Variants in CPA6 observed in about 807,000 individuals in gnomAD.
CPA6 encodes carboxypeptidase B.
CPA6 carries 58 observed loss-of-function variants against 63.3 expected under a neutral mutation model. The observed-to-expected ratio is 0.92, with a 90% CI of 0.74 to 1.14. The LOEUF (loss-of-function observed/expected upper bound fraction) is 1.14. Among genes scored for constraint, CPA6 ranks in the 50% most tolerant of loss-of-function variants. The probability of loss-of-function intolerance (pLI) is 0.00; values close to 1 mark genes in which losing one functional copy is unlikely to be tolerated. For synonymous variants in CPA6, 185 were observed against 179.0 expected, an observed-to-expected ratio of 1.03 and a Z score of -0.27; for missense variants, 565 against 526.6, an observed-to-expected ratio of 1.07 and a Z score of -0.71.
chr8:67,496,874 C>T (rs1276612675), intron 6 of CPA6, among the ~76,000 whole-genome samples: 1 of 151,900 alleles, frequency 6.6e-6, no homozygotes, highest in African/African-American at 2.4e-5. Flanking sequence ...CTTTCATTAT[C>T]CAAAAAAGAA....
chr8:67,423,300 G>A (rs1210954088), intron 10 of CPA6, among the ~76,000 whole-genome samples: 1 of 152,132 alleles, frequency 6.6e-6, no homozygotes, highest in African/African-American at 2.4e-5. Flanking sequence ...GACCACGTTG[G>A]CCTTGAACTC....
chr8:67,575,531 A>T (rs960319703), intron 2 of CPA6, among the ~76,000 whole-genome samples: 3 of 152,218 alleles, frequency 2.0e-5, no homozygotes, highest in African/African-American at 4.8e-5. Context: ...TATATACACA[A>T]TGGAATACTA....
intron 1 of CPA6, among the ~76,000 whole-genome samples, chr8:67,685,432 A>T (rs1161274792): frequency 6.6e-6 from 1 of 152,096 alleles, no homozygotes; most frequent in Non-Finnish European, 1.5e-5. Context: ...CCTGGCTAAC[A>T]TGGTGAAACC....
chr8:67,666,189 C>T (rs1816222631), intron 1 of CPA6, among the ~76,000 whole-genome samples: 1 of 152,196 alleles, frequency 6.6e-6, no homozygotes, highest in Non-Finnish European at 1.5e-5. Context: ...GTGATGACCC[C>T]TTTCCCTTCT....
chr8:67,586,889 A>G (rs1813953587), intron 2 of CPA6, among the ~76,000 whole-genome samples: 1 of 152,200 alleles, frequency 6.6e-6, no homozygotes, highest in African/African-American at 2.4e-5. Context: ...AACCATGTTG[A>G]TTCAGATTAT....
intron 2 of CPA6, among the ~76,000 whole-genome samples, chr8:67,568,168 G>T (rs1050871257): frequency 6.6e-6 from 1 of 152,072 alleles, no homozygotes; most frequent in Non-Finnish European, 1.5e-5. Context: ...CCCTGCCAAA[G>T]AACTCCTGTA....
At chr8:67,723,177 G>A (rs1817534115) in intron 1 of CPA6, among the ~76,000 whole-genome samples, 1 of 152,068 alleles carries the variant, frequency 6.6e-6, no homozygotes, top group Admixed American at 6.6e-5. Flanking sequence ...TTCCCGTACT[G>A]ATGGACTTTG....
chr8:67,602,439 C>T (rs1000964656), intron 2 of CPA6, among the ~76,000 whole-genome samples: 1 of 152,128 alleles, frequency 6.6e-6, no homozygotes, highest in African/African-American at 2.4e-5. Flanking sequence ...AAAATAAATA[C>T]GTCCAACTTT....
chr8:67,487,552 C>A (rs1811507397), intron 6 of CPA6, among the ~76,000 whole-genome samples: 1 of 152,130 alleles, frequency 6.6e-6, no homozygotes, highest in African/African-American at 2.4e-5. Context: ...GATTTATAAT[C>A]CTTTGGTTAT....
At chr8:67,447,878 A>T (rs1374059652) in intron 8 of CPA6, among the ~76,000 whole-genome samples, 1 of 152,060 alleles carries the variant, frequency 6.6e-6, no homozygotes, top group Non-Finnish European at 1.5e-5. Flanking sequence ...ACTACCTCCC[A>T]GGTTCAAGCA....
chr8:67,509,421 A>G (rs570021250), intron 5 of CPA6, 96 bp downstream of exon 5: 2 of 615,514 alleles, frequency 3.2e-6, no homozygotes, highest in Admixed American at 3.2e-5. Context: ...GAGACTCTAT[A>G]AAAGATCATT....
intron 2 of CPA6, among the ~76,000 whole-genome samples, chr8:67,618,275 C>T (rs1163314491): frequency 6.6e-6 from 1 of 152,148 alleles, no homozygotes; most frequent in Admixed American, 6.5e-5. Context: ...TTCTACCACC[C>T]ATTTCCTCCT....
At chr8:67,717,349 C>T (rs1817403201) in intron 1 of CPA6, among the ~76,000 whole-genome samples, 1 of 152,260 alleles carries the variant, frequency 6.6e-6, no homozygotes. Context: ...AGGTACCCAA[C>T]TGGGACATTG....
At chr8:67,567,642 T>C (rs392092) in intron 2 of CPA6, among the ~76,000 whole-genome samples, 90,702 of 152,074 alleles carry the variant, frequency 0.6, 28,090 homozygotes, top group Non-Finnish European at 0.7. Flanking sequence ...TGGGAATAAA[T>C]CTGAACCACT....
At chr8:67,664,817 T>C (rs1816192961) in intron 1 of CPA6, among the ~76,000 whole-genome samples, 1 of 152,170 alleles carries the variant, frequency 6.6e-6, no homozygotes, top group Non-Finnish European at 1.5e-5. Flanking sequence ...TAAGCTGTGA[T>C]ACTAGGAAAA....
chr8:67,638,007 GCA>G (rs148709467), intron 1 of CPA6, among the ~76,000 whole-genome samples: 5 of 150,628 alleles, frequency 3.3e-5, no homozygotes, highest in South Asian at 2.1e-4. Flanking sequence ...GTGTGTGTGT[GCA>G]TGCATGCATG....
At chr8:67,669,390 A>G (rs1250052341) in intron 1 of CPA6, among the ~76,000 whole-genome samples, 2 of 152,182 alleles carry the variant, frequency 1.3e-5, no homozygotes, top group Non-Finnish European at 2.9e-5. Context: ...TGAGTTTTAA[A>G]AGTGGTTTGA....
chr8:67,619,732 C>A lies in CPA6; in HGVS notation c.192+4444G>T, dbSNP rs143997199. Among the ~76,000 whole-genome samples the A allele has an allele frequency of 8.7e-3, 1,318 of 152,296 alleles. 17 individuals are homozygous for A. Among genetic ancestry groups the A allele is most frequent in the African/African-American group, 0.03 (1,245 of 41,544 alleles). ...GACCTCCACCAATAAACCAACTCAG[C>A]AAAGAAGTGTAGGAAATGCAGTTTT... On this transcript the variant is annotated intron_variant, in intron 2 of 10. Transcript: ENST00000297770.
intron 1 of CPA6, among the ~76,000 whole-genome samples, chr8:67,671,795 A>C (rs1816348813): frequency 6.6e-6 from 1 of 152,216 alleles, no homozygotes; most frequent in Non-Finnish European, 1.5e-5. Flanking sequence ...ATAACTTTGG[A>C]GAACCAGCAT....
Sources: allele counts gnomAD v4.1 joint callset (sites outside exome capture counted in the v4.1 genomes callset), GRCh38; gene constraint gnomAD v4.1.1; transcripts MANE v1.5; gene names NCBI Gene and HGNC (gene_info 2026-07-23, HGNC 2026-07-21).